Variants in VWA3B observed in about 807,000 individuals in gnomAD.
VWA3B encodes the protein von Willebrand factor A domain-containing protein 3B.
In VWA3B, 138 loss-of-function variants were observed where a neutral mutation model predicts 158.3. The observed-to-expected ratio is 0.87, with a 90% confidence interval of 0.76 to 1.00. VWA3B has a LOEUF of 1.00. Among genes scored for constraint, VWA3B ranks in the 50% least tolerant of loss-of-function variants. VWA3B has a pLI of 0.00. For synonymous variants in VWA3B, 596 were observed against 587.3 expected (o/e 1.01, Z -0.21); for missense variants, 1,555 against 1,565.1 (o/e 0.99, Z 0.11).
At chr2:98,120,198 C>T (rs899063711) in intron 4 of VWA3B, among the ~76,000 whole-genome samples, 2 of 152,196 alleles carry the variant, frequency 1.3e-5, no homozygotes, top group African/African-American at 4.8e-5. Flanking sequence ...TTCACCAGAA[C>T]AACAGGTGGC....
chr2:98,101,687 G>C (rs1238402891), intron 2 of VWA3B, among the ~76,000 whole-genome samples: 1 of 152,140 alleles, frequency 6.6e-6, no homozygotes, highest in Non-Finnish European at 1.5e-5. Flanking sequence ...GGCTCAGCCT[G>C]TGCTTTTTAC....
chr2:98,216,930 A>G (rs1230283933), intron 13 of VWA3B: 9 of 1,301,774 alleles, frequency 6.9e-6, no homozygotes, highest in Non-Finnish European at 7.1e-6. Context: ...TTCATTCCAT[A>G]CAGCTGAAGA....
intron 7 of VWA3B, among the ~76,000 whole-genome samples, chr2:98,139,346 G>A (rs988774020): frequency 6.6e-6 from 1 of 152,226 alleles, no homozygotes; most frequent in South Asian, 2.1e-4. Context: ...CCTGCTCCAC[G>A]GTGCCCAGTC....
intron 9 of VWA3B, among the ~76,000 whole-genome samples, chr2:98,182,690 C>T (rs1318469833): frequency 6.6e-6 from 1 of 152,102 alleles, no homozygotes; most frequent in Non-Finnish European, 1.5e-5. Context: ...GAGGCCAAGG[C>T]GGGCAGATCA....
intron 19 of VWA3B, among the ~76,000 whole-genome samples, chr2:98,241,482 G>C (rs1162494030): frequency 6.6e-6 from 1 of 151,822 alleles, no homozygotes; most frequent in Non-Finnish European, 1.5e-5. Flanking sequence ...TGGGTGGCTG[G>C]AACCAGTAGG....
chr2:98,178,902 A>T (rs1239175435), intron 8 of VWA3B, among the ~76,000 whole-genome samples: 1 of 152,148 alleles, frequency 6.6e-6, no homozygotes, highest in East Asian at 1.9e-4. Flanking sequence ...TTCATGTTAG[A>T]AAAAAACATT....
Position 98,252,402 on chromosome 2 carries a change from A to G in VWA3B, c.2792+1966A>G, listed in dbSNP as rs538419329. Among the ~76,000 whole-genome samples the G allele has an allele frequency of 2.2e-3, 339 of 152,296 alleles. 1 individual carries two copies. The highest frequency in any genetic ancestry group is 4.0e-3 in the Non-Finnish European group (271 of 68,028). On this transcript the variant is annotated intron_variant, in intron 20 of 27. Transcript: ENST00000477737. ...TCACATTCTAATGTAGTTTGCTTGA[A>G]TAATTCAAATATTTGAGTCCTATAA...
intron 23 of VWA3B, among the ~76,000 whole-genome samples, chr2:98,296,039 A>C (rs1419319094): frequency 3.9e-5 from 6 of 152,284 alleles, no homozygotes; most frequent in African/African-American, 1.4e-4. Flanking sequence ...AAGTCATCAT[A>C]ACAGTCCAAA....
chr2:98,286,329 C>T (rs1689165867), intron 22 of VWA3B, among the ~76,000 whole-genome samples: 1 of 152,054 alleles, frequency 6.6e-6, no homozygotes, highest in Non-Finnish European at 1.5e-5. Flanking sequence ...GTGAGAGTGC[C>T]TTACTTTGTT....
intron 7 of VWA3B, among the ~76,000 whole-genome samples, chr2:98,139,729 G>T (rs973843650): frequency 6.6e-6 from 1 of 152,062 alleles, no homozygotes; most frequent in Non-Finnish European, 1.5e-5. Flanking sequence ...GATTGTAAAC[G>T]CACCAATCAG....
chr2:98,256,073 A>C, intron 20 of VWA3B, 51 bp from the exon 21 acceptor site: 4 of 1,607,128 alleles, frequency 2.5e-6, no homozygotes, highest in Non-Finnish European at 3.4e-6. Context: ...ACCTTTTGCC[A>C]TGAAATGAAG....
At chr2:98,256,899 T>C (rs1252804531) in intron 21 of VWA3B, among the ~76,000 whole-genome samples, 1 of 152,192 alleles carries the variant, frequency 6.6e-6, no homozygotes, top group African/African-American at 2.4e-5. Flanking sequence ...AATCAGGATG[T>C]TTAGACTATC....
In VWA3B at chr2:98,312,049, G is replaced by C. The variant is rs767767311; in HGVS notation, c.3735+17G>C. The C allele has an allele frequency of 9.4e-6, 15 of 1,592,074 alleles. No homozygotes were observed. The highest frequency in any genetic ancestry group is 1.1e-5 in the South Asian group (1 of 88,328). On this transcript the variant is annotated intron_variant, in intron 27 of 27. Transcript: ENST00000477737. ...GAGCCCAGGGTTTGGGTGATGGGGGGGGAACACAACATCGCTTATCTCAGG... is the reference window on the plus strand; with the variant it reads ...GAGCCCAGGGTTTGGGTGATGGGGGCGGAACACAACATCGCTTATCTCAGG...
chr2:98,298,787 G>C (rs1053411702), intron 24 of VWA3B, among the ~76,000 whole-genome samples: 6 of 152,270 alleles, frequency 3.9e-5, no homozygotes, highest in African/African-American at 1.4e-4. Flanking sequence ...GCCCGAGCAA[G>C]AGGCTCAAGG....
chr2:98,127,944 C>T (rs1047085854), intron 5 of VWA3B, among the ~76,000 whole-genome samples: 3 of 152,184 alleles, frequency 2.0e-5, no homozygotes, highest in Non-Finnish European at 2.9e-5. Flanking sequence ...AATAACCACT[C>T]CGAACCTGTG....
In VWA3B at chr2:98,128,351, C is replaced by T; in HGVS notation, c.815C>T (p.Ala272Val). ...CCAGTCTACACAGTGTCCTTCAACG[C>T]CAGAGGAGAAGGCACTATAGCTTTT... ...PCPVYTVSFN[A>V]RGEGTIAFLK... Residue 272 changes from alanine to valine, a missense_variant, in exon 6 of 28, where the codon GCC becomes GTC. Transcript: ENST00000477737. 4 of 1,614,116 alleles carry T rather than the reference C, an allele frequency of 2.5e-6. No homozygotes were observed. Among genetic ancestry groups the T allele is most frequent in the Non-Finnish European group, 3.4e-6 (4 of 1,180,010 alleles).
At chr2:98,206,542 C>T (rs904699169) in intron 12 of VWA3B, 16 of 500,068 alleles carry the variant, frequency 3.2e-5, no homozygotes, top group Non-Finnish European at 5.2e-5. Flanking sequence ...GTGCACCAAT[C>T]GAAAGTCCTG....
intron 8 of VWA3B, 38 bp downstream of exon 8, chr2:98,163,014 T>C: frequency 6.2e-7 from 1 of 1,609,374 alleles, no homozygotes; most frequent in Admixed American, 1.7e-5. Flanking sequence ...AAAAGATTCA[T>C]AAATGTTACT....
chr2:98,248,652 T>C (rs1021084366), intron 19 of VWA3B, among the ~76,000 whole-genome samples: 2 of 152,154 alleles, frequency 1.3e-5, no homozygotes, highest in African/African-American at 4.8e-5. Flanking sequence ...ACACTCCTAG[T>C]CCCACTAGCT....
Sources: allele counts gnomAD v4.1 joint callset (sites outside exome capture counted in the v4.1 genomes callset), GRCh38; gene constraint gnomAD v4.1.1; transcripts MANE v1.5; gene names NCBI Gene and HGNC (gene_info 2026-07-23, HGNC 2026-07-21).